The following RANBP9 variants were observed in gnomAD, a reference collection of about 807,000 sequenced individuals.
The protein encoded by RANBP9 is ran-binding protein 9.
RANBP9 carries 15 observed loss-of-function variants against 84.3 expected under a neutral mutation model. The ratio of observed to expected loss-of-function variants is 0.18; its 90% confidence interval spans 0.12 to 0.27. The LOEUF (loss-of-function observed/expected upper bound fraction) is 0.27. Among genes scored for constraint, RANBP9 ranks in the 10% least tolerant of loss-of-function variants. The probability of loss-of-function intolerance (pLI) is 1.00; values close to 1 mark genes in which losing one functional copy is unlikely to be tolerated. For synonymous variants in RANBP9, 392 were observed against 349.6 expected (o/e 1.12, Z -1.35); for missense variants, 809 against 912.8 (o/e 0.89, Z 1.46).
At chr6:13,670,653 A>T (rs1471892356) in intron 2 of RANBP9, among the ~76,000 whole-genome samples, 1 of 151,888 alleles carries the variant, frequency 6.6e-6, no homozygotes, top group Non-Finnish European at 1.5e-5. Flanking sequence ...AAACAAAATT[A>T]GACGGGCGTG....
intron 2 of RANBP9, among the ~76,000 whole-genome samples, chr6:13,686,100 T>TTA (rs1562318248): frequency 1.4e-4 from 1 of 7,008 alleles, no homozygotes; most frequent in African/African-American, 7.6e-4. Flanking sequence ...CAAAATTTCT[T>TTA]CCCCCCCCCC....
At chr6:13,659,018 G>C (rs962582551) in intron 2 of RANBP9, among the ~76,000 whole-genome samples, 186 bp from the exon 3 acceptor site, 1 of 151,972 alleles carries the variant, frequency 6.6e-6, no homozygotes, top group African/African-American at 2.4e-5. Flanking sequence ...GTAATACTCA[G>C]ACTTCACAGC....
At chr6:13,684,310 T>G (rs1766115620) in intron 2 of RANBP9, among the ~76,000 whole-genome samples, 1 of 152,168 alleles carries the variant, frequency 6.6e-6, no homozygotes, top group East Asian at 1.9e-4. Flanking sequence ...CAGAAATCCC[T>G]CTGCATCTCC....
At chr6:13,656,804 T>C (rs1462842135) in intron 4 of RANBP9, among the ~76,000 whole-genome samples, 2 of 152,174 alleles carry the variant, frequency 1.3e-5, no homozygotes, top group African/African-American at 2.4e-5. Context: ...TTATACTGTG[T>C]AGCGTTTTAT....
rs9475121 is a variant in RANBP9 at position 13,710,305 on chromosome 6, G to A, written c.571+630C>T. Among the ~76,000 whole-genome samples, 1,428 of 152,182 alleles carry A rather than the reference G, an allele frequency of 9.4e-3. 15 individuals are homozygous for A. Among genetic ancestry groups the A allele is most frequent in the African/African-American group, 0.032 (1,338 of 41,500 alleles). On this transcript the variant is annotated intron_variant, in intron 1 of 13. Coordinates refer to ENST00000011619, the MANE Select transcript of RANBP9 (RefSeq NM_005493.3). ...TATAGGGCACTTCCAATCGGGAGGGGTAGGTTTCTGCTCCCCTAAGAAAAA... is the reference window on the plus strand; with the variant it reads ...TATAGGGCACTTCCAATCGGGAGGGATAGGTTTCTGCTCCCCTAAGAAAAA...
chr6:13,682,069 C>A (rs938875186), intron 2 of RANBP9, among the ~76,000 whole-genome samples: 1 of 152,068 alleles, frequency 6.6e-6, no homozygotes, highest in African/African-American at 2.4e-5. Context: ...GCCACATTGG[C>A]CAGGCTGGTC....
intron 1 of RANBP9, among the ~76,000 whole-genome samples, chr6:13,705,634 C>T (rs1331692841): frequency 6.6e-6 from 1 of 150,488 alleles, no homozygotes; most frequent in African/African-American, 2.4e-5. Context: ...GGACGAGGCG[C>T]GCAGATCACA....
chr6:13,677,734 A>C (rs745990921), intron 2 of RANBP9, among the ~76,000 whole-genome samples: 1 of 152,188 alleles, frequency 6.6e-6, no homozygotes, highest in African/African-American at 2.4e-5. Flanking sequence ...AACATCTTTC[A>C]ACCATCATAA....
intron 1 of RANBP9, among the ~76,000 whole-genome samples, chr6:13,709,597 T>C (rs1292488623): frequency 6.6e-6 from 1 of 152,224 alleles, no homozygotes; most frequent in Non-Finnish European, 1.5e-5. Context: ...AAAGATTTGA[T>C]ATTGTGAATG....
chr6:13,692,025 T>C (rs183757542), intron 2 of RANBP9, among the ~76,000 whole-genome samples: 3 of 152,286 alleles, frequency 2.0e-5, no homozygotes, highest in Admixed American at 2.0e-4. Context: ...AAACAAAAGG[T>C]TCCTAACAGC....
At chr6:13,693,751 A>G (rs1380769571) in intron 2 of RANBP9, among the ~76,000 whole-genome samples, 1 of 152,200 alleles carries the variant, frequency 6.6e-6, no homozygotes, top group African/African-American at 2.4e-5. Context: ...GTATATATGT[A>G]AAAGCTAGAG....
chr6:13,687,717 C>T (rs555673021), intron 2 of RANBP9, among the ~76,000 whole-genome samples: 12 of 152,298 alleles, frequency 7.9e-5, no homozygotes, highest in East Asian at 3.9e-4. Flanking sequence ...TACAACCCCA[C>T]CACACAGATT....
chr6:13,657,004 G>T, intron 4 of RANBP9, 105 bp downstream of exon 4: 1 of 1,035,950 alleles, frequency 9.7e-7, no homozygotes, highest in Non-Finnish European at 1.4e-6. Context: ...ATTTCCAGAG[G>T]CATCCATCTA....
intron 2 of RANBP9, among the ~76,000 whole-genome samples, chr6:13,677,567 C>T (rs1303141475): frequency 1.3e-5 from 2 of 151,870 alleles, no homozygotes; most frequent in South Asian, 4.2e-4. Context: ...TTAAGAGCAC[C>T]AAAAGTTAGT....
chr6:13,642,640 GC>G (rs1765093396), intron 6 of RANBP9, 49 bp from the exon 7 acceptor site: 1 of 1,231,056 alleles, frequency 8.1e-7, no homozygotes, highest in African/African-American at 1.5e-5. Flanking sequence ...GAGAATACAT[GC>G]TTCATACTAC....
At chr6:13,683,010 T>C (rs935143487) in intron 2 of RANBP9, among the ~76,000 whole-genome samples, 2 of 152,216 alleles carry the variant, frequency 1.3e-5, no homozygotes, top group Non-Finnish European at 2.9e-5. Context: ...TCTGTATGTT[T>C]GTAAATGTTG....
intron 2 of RANBP9, among the ~76,000 whole-genome samples, chr6:13,687,940 C>A (rs1766228013): frequency 6.6e-6 from 1 of 152,214 alleles, no homozygotes; most frequent in Non-Finnish European, 1.5e-5. Context: ...TCCCACAAAA[C>A]TTTATGCTGA....
intron 1 of RANBP9, among the ~76,000 whole-genome samples, 189 bp downstream of exon 1, chr6:13,710,746 C>T (rs1006436188): frequency 2.0e-5 from 3 of 152,228 alleles, no homozygotes; most frequent in Non-Finnish European, 4.4e-5. Context: ...TTCCAAGAAT[C>T]TCGCCCCTCA....
chr6:13,638,974 T>C (rs146012729), intron 9 of RANBP9, among the ~76,000 whole-genome samples: 2 of 152,280 alleles, frequency 1.3e-5, no homozygotes, highest in East Asian at 3.9e-4. Context: ...CAATTACCTT[T>C]TCACTATTAA....
Sources: allele counts gnomAD v4.1 joint callset (sites outside exome capture counted in the v4.1 genomes callset), GRCh38; gene constraint gnomAD v4.1.1; transcripts MANE v1.5; gene names NCBI Gene and HGNC (gene_info 2026-07-23, HGNC 2026-07-21).